The following CDH18 variants were observed in gnomAD, a reference collection of about 807,000 sequenced individuals.
CDH18 encodes cadherin 18, also known as cadherin-18.
Under a neutral mutation model 67.9 loss-of-function variants are expected in CDH18, and 31 were observed. That is an observed-to-expected ratio of 0.46 (90% CI 0.34 to 0.62). The LOEUF is 0.62. Among genes scored for constraint, CDH18 ranks in the 20% least tolerant of loss-of-function variants. The pLI is 0.01. For synonymous variants in CDH18, 362 were observed against 347.2 expected (o/e 1.04, Z -0.48); for missense variants, 890 against 975.5 (o/e 0.91, Z 1.17).
chr5:20,056,680 C>CTTTTTTTTTT (rs397758122), intron 2 of CDH18, among the ~76,000 whole-genome samples: 48 of 70,020 alleles, frequency 6.9e-4, no homozygotes, highest in Non-Finnish European at 9.5e-4. Context: ...TCTATATTCT[C>CTTTTTTTTTT]TTTTTTTTTT....
At chr5:20,282,613 T>C (rs929800891) in intron 1 of CDH18, among the ~76,000 whole-genome samples, 5 of 152,166 alleles carry the variant, frequency 3.3e-5, no homozygotes, top group Admixed American at 1.3e-4. Flanking sequence ...GGATTCGATT[T>C]GCCAGTATTT....
intron 2 of CDH18, among the ~76,000 whole-genome samples, chr5:20,029,823 T>A (rs1044483994): frequency 6.6e-6 from 1 of 152,186 alleles, no homozygotes; most frequent in East Asian, 1.9e-4. Context: ...GTCCTATATA[T>A]AAGAAGCAAA....
intron 1 of CDH18, among the ~76,000 whole-genome samples, chr5:20,536,015 G>C (rs1756694889): frequency 1.3e-5 from 2 of 152,064 alleles, no homozygotes; most frequent in African/African-American, 4.8e-5. Context: ...GTCTTATGCT[G>C]TTTATTGTCC....
At chr5:20,244,184 C>CT (rs1388994132) in intron 2 of CDH18, among the ~76,000 whole-genome samples, 19 of 75,002 alleles carry the variant, frequency 2.5e-4, no homozygotes, top group African/African-American at 1.6e-3. Context: ...ATAACAACCT[C>CT]CGCTGAAGGT....
chr5:20,254,176 G>A lies in CDH18; in HGVS notation c.-518+1268C>T, dbSNP rs538554203. On this transcript the variant is annotated intron_variant, in intron 2 of 14. Transcript: ENST00000507958. ...CGCCCAGGCTAGAGTGCAGTGGTGC[G>A]ATCTTGGCTCACTGCAACCTCTGCT... Among the ~76,000 whole-genome samples, 118 of 152,226 alleles carry A rather than the reference G, an allele frequency of 7.8e-4. 3 individuals carry two copies. The South Asian group carries it at 8.3e-3, about 11-fold the overall frequency.
chr5:19,583,181 T>G (rs1743557124), intron 7 of CDH18, among the ~76,000 whole-genome samples: 1 of 151,962 alleles, frequency 6.6e-6, no homozygotes, highest in African/African-American at 2.4e-5. Context: ...AGATACACAC[T>G]CAGGAAAATT....
chr5:19,748,326 A>G (rs1454743166), intron 3 of CDH18, among the ~76,000 whole-genome samples: 2 of 151,974 alleles, frequency 1.3e-5, no homozygotes, highest in African/African-American at 4.8e-5. Flanking sequence ...AAAAGTAACA[A>G]TAAATTACAG....
Position 19,721,449 on chromosome 5 carries a change from C to G in CDH18, c.541G>C (p.Val181Leu). 6.2e-7 allele frequency: 1 copy of G among 1,611,126 alleles called. No homozygotes were observed. Among genetic ancestry groups the G allele is most frequent in the Non-Finnish European group, 8.5e-7 (1 of 1,177,800 alleles). Residue 181 changes from valine to leucine, a missense_variant, in exon 5 of 13, where the codon GTG (valine) becomes CTG (leucine). This residue lies in a region of CDH18 where 234 missense variants were observed against 307.4 expected (regional missense o/e 0.76). Transcript: ENST00000382275. ...MSDMGTSVLQ[V>L]TATDADDPTY... ...GGGTCATCTGCATCAGTAGCTGTCACCTGTAGAACAGAGGTACCTGTGCAT... is the reference window on the plus strand; with the variant it reads ...GGGTCATCTGCATCAGTAGCTGTCAGCTGTAGAACAGAGGTACCTGTGCAT...
intron 3 of CDH18, among the ~76,000 whole-genome samples, chr5:19,798,176 C>T (rs1295715786): frequency 2.0e-5 from 3 of 151,784 alleles, no homozygotes; most frequent in Non-Finnish European, 4.4e-5. Flanking sequence ...AATTTAATAC[C>T]CACATATACA....
chr5:19,896,087 T>C (rs1363203606), intron 2 of CDH18, among the ~76,000 whole-genome samples: 2 of 152,138 alleles, frequency 1.3e-5, no homozygotes, highest in African/African-American at 4.8e-5. Flanking sequence ...TCGGACGCAG[T>C]GGCTCACACC....
At chr5:20,030,121 G>T (rs1294186111) in intron 2 of CDH18, among the ~76,000 whole-genome samples, 2 of 152,094 alleles carry the variant, frequency 1.3e-5, no homozygotes, top group Non-Finnish European at 2.9e-5. Context: ...AAATGTCTAG[G>T]ACCTTGTAAT....
intron 1 of CDH18, among the ~76,000 whole-genome samples, chr5:19,987,758 G>A (rs550241146): frequency 6.6e-6 from 1 of 152,270 alleles, no homozygotes; most frequent in South Asian, 2.1e-4. Context: ...TTATTGCAAT[G>A]TGCCTTGCAG....
intron 1 of CDH18, among the ~76,000 whole-genome samples, chr5:20,288,555 A>G (rs1439078960): frequency 6.6e-6 from 1 of 151,856 alleles, no homozygotes; most frequent in African/African-American, 2.4e-5. Context: ...TTTCTGGTAC[A>G]GAAGTTGGTA....
intron 3 of CDH18, among the ~76,000 whole-genome samples, chr5:19,791,652 T>C (rs75554121): frequency 8.7e-4 from 133 of 152,254 alleles, no homozygotes; most frequent in East Asian, 2.7e-3. Flanking sequence ...GAATTTCTGT[T>C]TCACAGGAAC....
In CDH18 at chr5:20,084,234, G is replaced by A. The variant is rs962307117; in HGVS notation, c.-517-92220C>T. Among the ~76,000 whole-genome samples the A allele has an allele frequency of 3.9e-5, 6 of 152,196 alleles. No homozygotes were observed. In the East Asian group the frequency reaches 1.2e-3, roughly 29 times the overall value. ...CATTGGCCAAAACAAAGGGGCTACA[G>A]GTCCCATGCAAGTCTGAAATCCAGC... On this transcript the variant is annotated intron_variant, in intron 2 of 14. Coordinates refer to the CDH18 transcript ENST00000507958.
chr5:19,962,369 G>A (rs115707805), intron 2 of CDH18, among the ~76,000 whole-genome samples: 1,466 of 8,606 alleles, frequency 0.17, 48 homozygotes, highest in African/African-American at 0.24. Flanking sequence ...GAGAATAAAC[G>A]TCAAAAAGCA....
At chr5:19,890,771 T>A (rs1788709454) in intron 2 of CDH18, among the ~76,000 whole-genome samples, 1 of 152,060 alleles carries the variant, frequency 6.6e-6, no homozygotes, top group Non-Finnish European at 1.5e-5. Flanking sequence ...ATTTTTGTAT[T>A]TTTATTAGAG....
chr5:20,294,765 A>G (rs1457551540), intron 1 of CDH18, among the ~76,000 whole-genome samples: 3 of 152,226 alleles, frequency 2.0e-5, no homozygotes, highest in Admixed American at 6.5e-5. Context: ...AAATTAAAAA[A>G]TAAGTAATTT....
intron 1 of CDH18, among the ~76,000 whole-genome samples, chr5:20,308,398 C>T (rs1736671856): frequency 6.6e-6 from 1 of 151,874 alleles, no homozygotes; most frequent in Admixed American, 6.6e-5. Flanking sequence ...AAAAAATTAG[C>T]CGGGAGTGGC....
Sources: gnomAD v4.1 joint callset for allele counts (sites outside exome capture counted in the v4.1 genomes callset) on GRCh38, gnomAD v4.1.1 for gene constraint, gnomAD v4.1.1 regional missense constraint, MANE v1.5 for transcripts, NCBI Gene and HGNC (gene_info 2026-07-23, HGNC 2026-07-21) for gene names.